The following PLEKHA1 variants were observed in gnomAD, a reference collection of about 807,000 sequenced individuals.
PLEKHA1 encodes pleckstrin homology domain containing A1.
A neutral mutation model predicts 52.0 loss-of-function variants in PLEKHA1; 34 were observed. That is an observed-to-expected ratio of 0.65 (90% CI 0.50 to 0.87). The LOEUF (loss-of-function observed/expected upper bound fraction) is 0.87, where lower values mean the gene tolerates loss of function less well. Among genes scored for constraint, PLEKHA1 ranks in the 40% least tolerant of loss-of-function variants. The probability of loss-of-function intolerance (pLI) is 0.00; values close to 1 mark genes in which losing one functional copy is unlikely to be tolerated. For missense variants in PLEKHA1, 497 were observed against 504.2 expected, an observed-to-expected ratio of 0.99 and a Z score of 0.14; for synonymous variants, 163 against 170.7, an observed-to-expected ratio of 0.95 and a Z score of 0.35.
intron 5 of PLEKHA1, among the ~76,000 whole-genome samples, chr10:122,407,584 C>T (rs1236471526): frequency 6.6e-6 from 1 of 152,134 alleles, no homozygotes; most frequent in Non-Finnish European, 1.5e-5. Context: ...CAACAACAAC[C>T]TTTACTGAGA....
chr10:122,423,390 A>C (rs1183167444), intron 8 of PLEKHA1: 1 of 146,268 alleles, frequency 6.8e-6, no homozygotes, highest in African/African-American at 2.5e-5. Flanking sequence ...GTACCATTGC[A>C]CTCTAGCCTG....
In PLEKHA1 at chr10:122,393,187, G is replaced by A. The variant is rs1005671570; in HGVS notation, c.-14G>A. 3.7e-6 allele frequency: 6 copies of A among 1,605,030 alleles called. No individual in the cohort carries two copies. The highest frequency in any genetic ancestry group is 1.7e-5 in the Admixed American group (1 of 58,546). On this transcript the variant is annotated 5_prime_UTR_variant, in exon 2 of 12. The change abolishes an upstream ATG in the 5' untranslated region. Transcript: ENST00000368990. The surrounding 1 kb of genome is among the most constrained non-coding windows in gnomAD (Gnocchi z 4.5). ...TAATATTTTTATTTTACAGTGTAAT[G>A]TTCAAGCTCAGAAATGCCTTATGTG...
chr10:122,441,612 T>C, the PLEKHA1 span: 1 of 152,352 alleles, frequency 6.6e-6, no homozygotes, highest in African/African-American at 2.4e-5. Context: ...CCTAAATCAC[T>C]GCCTGTGTTC....
At chr10:122,433,231 C>T (rs2097426397), downstream of PLEKHA1, 1 of 152,230 alleles carries the variant, frequency 6.6e-6, no homozygotes, top group Non-Finnish European at 1.5e-5. Flanking sequence ...AAGTAGACAT[C>T]TTCATCTGTT....
At chr10:122,437,089 A>T (rs2097441118), downstream of PLEKHA1, 2 of 150,734 alleles carry the variant, frequency 1.3e-5, no homozygotes, top group African/African-American at 4.9e-5. Flanking sequence ...TTATTTCCAA[A>T]TAGGGCCTTT....
At position 122,415,870 on chromosome 10, in the gene PLEKHA1, A is replaced by G. The variant is rs375856091; in HGVS notation, c.480A>G (p.Val160=). 1.2e-6 allele frequency: 2 copies of G among 1,610,236 alleles called. No individual in the cohort carries two copies. Among genetic ancestry groups the G allele is most frequent in the African/African-American group, 1.3e-5 (1 of 74,922 alleles). ...PIITPTQKEE[V]NECGESIDRN... is the part of the protein sequence containing the mutation. The stretch of plus-strand genomic sequence containing the variant: ...TTGCTTCATTTTAGAAAGAAGAAGT[A>G]AATGAATGTGGTGAAAGTATTGACA... Residue 160 remains valine, a synonymous_variant, in exon 7 of 12, where the codon GTA becomes GTG. Coordinates refer to ENST00000368990, the MANE Select transcript of PLEKHA1 (RefSeq NM_001001974.4).
chr10:122,424,864 T>A (rs2097315069), intron 9 of PLEKHA1, 32 bp from the exon 10 acceptor site: 1 of 1,574,138 alleles, frequency 6.4e-7, no homozygotes, highest in African/African-American at 1.4e-5. Context: ...ACAACTGCTA[T>A]TTAAGTATAA....
At chr10:122,390,702 G>C (rs868641434) in intron 1 of PLEKHA1, among the ~76,000 whole-genome samples, 2 of 152,200 alleles carry the variant, frequency 1.3e-5, no homozygotes, top group African/African-American at 4.8e-5. Flanking sequence ...GATTTCTTGA[G>C]CCCAGTAGTT....
chr10:122,384,312 T>TA (rs1484664636), intron 1 of PLEKHA1, among the ~76,000 whole-genome samples: 1 of 152,210 alleles, frequency 6.6e-6, no homozygotes, highest in Non-Finnish European at 1.5e-5. Flanking sequence ...GGAAAGCTTT[T>TA]AAAAAACTTT....
chr10:122,408,695 C>A (rs888173861), intron 5 of PLEKHA1, among the ~76,000 whole-genome samples: 1 of 151,986 alleles, frequency 6.6e-6, no homozygotes, highest in African/African-American at 2.4e-5. Context: ...TAATAAGATG[C>A]TTTATGTTAA....
intron 1 of PLEKHA1, among the ~76,000 whole-genome samples, chr10:122,388,174 C>G (rs1020204666): frequency 6.6e-6 from 1 of 152,204 alleles, no homozygotes; most frequent in South Asian, 2.1e-4. Context: ...TTCCCACTCT[C>G]TTCAGCCTCT....
intron 6 of PLEKHA1, 132 bp from the exon 7 acceptor site, chr10:122,415,727 A>T: frequency 3.5e-6 from 3 of 850,848 alleles, no homozygotes; most frequent in Non-Finnish European, 5.2e-6. Flanking sequence ...ATCTCAGATT[A>T]ATTAGAAAAC....
At chr10:122,387,195 ATT>A (rs1412683710) in intron 1 of PLEKHA1, 1 of 151,786 alleles carries the variant, frequency 6.6e-6, no homozygotes, top group African/African-American at 2.4e-5. Context: ...TTCCCTTTCT[ATT>A]TTGGGTTTAC....
chr10:122,399,560 C>G (rs531283332), intron 3 of PLEKHA1, among the ~76,000 whole-genome samples: 3 of 150,462 alleles, frequency 2.0e-5, no homozygotes, highest in Non-Finnish European at 4.4e-5. Context: ...CAATTAAATG[C>G]CTGGATTTGT....
intron 2 of PLEKHA1, among the ~76,000 whole-genome samples, chr10:122,395,103 C>A (rs1348880777): frequency 1.3e-5 from 2 of 152,006 alleles, no homozygotes; most frequent in Non-Finnish European, 2.9e-5. Flanking sequence ...TTGAGTATTC[C>A]AGTGCTCAAA....
intron 5 of PLEKHA1, chr10:122,411,967 T>C (rs1023262349): frequency 1.3e-5 from 2 of 152,200 alleles, no homozygotes; most frequent in Non-Finnish European, 2.9e-5. Context: ...ACATTATAAT[T>C]GATGCTGAGC....
chr10:122,400,577 C>CT (rs1222985149), intron 4 of PLEKHA1, among the ~76,000 whole-genome samples, 189 bp downstream of exon 4: 1 of 152,226 alleles, frequency 6.6e-6, no homozygotes, highest in East Asian at 1.9e-4. Flanking sequence ...CCTGAAGCCT[C>CT]TTTCCTGTGT....
chr10:122,424,013 A>G (rs2097300705), intron 8 of PLEKHA1, 186 bp from the exon 9 acceptor site: 2 of 731,184 alleles, frequency 2.7e-6, no homozygotes, highest in African/African-American at 3.6e-5. Flanking sequence ...AACAGTGTAT[A>G]TAAGGTTATA....
chr10:122,411,613 A>G (rs1255843556), intron 5 of PLEKHA1, among the ~76,000 whole-genome samples: 4 of 152,196 alleles, frequency 2.6e-5, no homozygotes, highest in Non-Finnish European at 4.4e-5. Flanking sequence ...GGGCTGCACT[A>G]TAGATATGTT....
Sources: gnomAD v4.1 joint callset for allele counts (sites outside exome capture counted in the v4.1 genomes callset) on GRCh38, gnomAD v4.1.1 for gene constraint, Gnocchi (gnomAD v3.1) non-coding constraint, MANE v1.5 for transcripts, NCBI Gene and HGNC (gene_info 2026-07-23, HGNC 2026-07-21) for gene names.